CD47: variants seen among roughly 807,000 people sequenced by gnomAD.
CD47 encodes CD47 molecule.
In CD47, 11 loss-of-function variants were observed where a neutral mutation model predicts 44.6. The observed-to-expected ratio is 0.25, with a 90% CI of 0.16 to 0.41. CD47 has a LOEUF of 0.41. Ranked by LOEUF, CD47 falls within the 10% of genes least tolerant of loss-of-function variation. The pLI is 1.00. For synonymous variants in CD47, 140 were observed against 136.3 expected (o/e 1.03, Z -0.19); for missense variants, 306 against 386.7 (o/e 0.79, Z 1.75).
Position 108,079,973 on chromosome 3 carries a change from C to A in CD47, c.400+18G>T. ...GCACCAGGACAAATAAAAAAAGAAG[C>A]TTTCATAGAAGTCTTACCAACACGA... On this transcript the variant is annotated intron_variant, in intron 2 of 10. Transcript: ENST00000361309. The A allele has an allele frequency of 2.6e-6, 4 of 1,543,284 alleles. No homozygotes were observed. The highest frequency in any genetic ancestry group is 1.7e-4 in the Middle Eastern group (1 of 5,790).
At chr3:108,062,907 G>A (rs1215377354) in intron 3 of CD47, among the ~76,000 whole-genome samples, 1 of 151,416 alleles carries the variant, frequency 6.6e-6, no homozygotes, top group Non-Finnish European at 1.5e-5. Context: ...ACCTGCCACG[G>A]CCTCCCAAAG....
chr3:108,087,577 A>G (rs1301256817), intron 1 of CD47, among the ~76,000 whole-genome samples: 1 of 152,184 alleles, frequency 6.6e-6, no homozygotes, highest in Admixed American at 6.5e-5. Flanking sequence ...AGGGCTTTGC[A>G]AACTGCTTGG....
chr3:108,078,114 C>T lies in CD47; in HGVS notation c.400+1877G>A, dbSNP rs910552724. 3.3e-5 allele frequency among the ~76,000 whole-genome samples: 5 copies of T among 152,032 alleles called. No homozygotes were observed. In the East Asian group the frequency reaches 5.8e-4, roughly 18 times the overall value. ...CATTGGGGGGACTGGGTGAAGGGCA[C>T]ATGGAAGCTCTCTATCTTTGAATCG... On this transcript the variant is annotated intron_variant, in intron 2 of 10. Coordinates refer to ENST00000361309, the MANE Select transcript of CD47 (RefSeq NM_001777.4).
intron 1 of CD47, among the ~76,000 whole-genome samples, chr3:108,087,471 G>A (rs1263718011): frequency 6.6e-6 from 1 of 152,064 alleles, no homozygotes; most frequent in Non-Finnish European, 1.5e-5. Flanking sequence ...TACCATGAGG[G>A]AATAAAAACA....
intron 1 of CD47, among the ~76,000 whole-genome samples, chr3:108,087,071 T>C (rs1016366758): frequency 6.6e-6 from 1 of 152,144 alleles, no homozygotes; most frequent in African/African-American, 2.4e-5. Context: ...AATTATCTGC[T>C]GGGAATGGAT....
chr3:108,081,044 T>C (rs993852207), intron 1 of CD47, among the ~76,000 whole-genome samples: 15 of 151,900 alleles, frequency 9.9e-5, no homozygotes, highest in African/African-American at 3.6e-4. Context: ...CCACATTTCA[T>C]TGACACTACA....
At chr3:108,070,184 T>C (rs190774737) in intron 3 of CD47, among the ~76,000 whole-genome samples, 1 of 152,266 alleles carries the variant, frequency 6.6e-6, no homozygotes, top group Admixed American at 6.5e-5. Flanking sequence ...TCATAAAATA[T>C]ACAACAGGGC....
At chr3:108,065,726 C>T (rs1271012835) in intron 3 of CD47, among the ~76,000 whole-genome samples, 1 of 140,196 alleles carries the variant, frequency 7.1e-6, no homozygotes, top group African/African-American at 2.7e-5. Flanking sequence ...ACAGAAGAAT[C>T]GCTTGAACCT....
intron 1 of CD47, among the ~76,000 whole-genome samples, chr3:108,085,091 C>A (rs1399516524): frequency 6.6e-6 from 1 of 152,076 alleles, no homozygotes; most frequent in East Asian, 1.9e-4. Flanking sequence ...TCCTTTCCAG[C>A]CCCACCTCCT....
intron 1 of CD47, among the ~76,000 whole-genome samples, chr3:108,088,530 C>A (rs1334847428): frequency 6.6e-6 from 1 of 151,838 alleles, no homozygotes; most frequent in Non-Finnish European, 1.5e-5. Flanking sequence ...ATAATATATT[C>A]TTTAAGAGAA....
intron 2 of CD47, 120 bp from the exon 3 acceptor site, chr3:108,071,302 T>G: frequency 1.8e-6 from 1 of 548,540 alleles, no homozygotes; most frequent in Non-Finnish European, 3.2e-6. Flanking sequence ...TGTGGCCTTA[T>G]TTTTACATGT....
At chr3:108,067,620 T>C (rs892466211) in intron 3 of CD47, among the ~76,000 whole-genome samples, 7 of 152,238 alleles carry the variant, frequency 4.6e-5, no homozygotes, top group African/African-American at 1.7e-4. Flanking sequence ...TGAAATTCAA[T>C]ACTATCAGTT....
At chr3:108,063,189 T>C (rs1338464210) in intron 3 of CD47, among the ~76,000 whole-genome samples, 2 of 152,216 alleles carry the variant, frequency 1.3e-5, no homozygotes, top group Non-Finnish European at 2.9e-5. Flanking sequence ...CAACTACTAC[T>C]TATTTTCCAG....
intron 2 of CD47, among the ~76,000 whole-genome samples, chr3:108,073,348 T>C (rs1010709115): frequency 2.4e-4 from 37 of 152,140 alleles, no homozygotes; most frequent in Admixed American, 2.1e-3. Context: ...CATTTTTCAC[T>C]TATTCCACAA....
rs2078677134 is a variant in CD47, at chr3:108,044,245, T to G, written c.*3043A>C. The G allele has an allele frequency of 6.6e-6, 1 of 152,558 alleles. No individual in the cohort carries two copies. Among genetic ancestry groups the G allele is most frequent in the Non-Finnish European group, 1.5e-5 (1 of 68,028 alleles). The allele number at this position is 152,558 out of a possible 1,614,324, so 9.5% of individuals were successfully genotyped here. ...TTTGTTAGTGCAAATAACAATTTGG[T>G]GGTCACTTACTAAATTGACTATAGC... On this transcript the variant is annotated 3_prime_UTR_variant, in exon 11 of 11. Coordinates refer to ENST00000361309, the MANE Select transcript of CD47 (RefSeq NM_001777.4).
At chr3:108,072,749 C>T (rs978918680) in intron 2 of CD47, among the ~76,000 whole-genome samples, 1 of 152,166 alleles carries the variant, frequency 6.6e-6, no homozygotes, top group African/African-American at 2.4e-5. Flanking sequence ...ATTTTTGTAT[C>T]TAATCCCCAA....
chr3:108,046,292 G>C lies in CD47; in HGVS notation c.*996C>G, dbSNP rs1007832936. On this transcript the variant is annotated 3_prime_UTR_variant, in exon 11 of 11. Coordinates refer to ENST00000361309, the MANE Select transcript of CD47 (RefSeq NM_001777.4). ...ACACACATTTTGTTGCCATGCAGGA[G>C]ACTCATAGTTCAAATTTCAATCTTG... 3 of 152,636 alleles carry C rather than the reference G, an allele frequency of 2.0e-5. No homozygotes were observed. The highest frequency in any genetic ancestry group is 7.2e-5 in the African/African-American group (3 of 41,450). The allele number at this position is 152,636 out of a possible 1,614,324, so 9.5% of individuals were successfully genotyped here. A position where few individuals can be genotyped will look rare whatever the true frequency, so the allele number is the denominator to read the frequency against.
At chr3:108,086,788 C>T (rs188812269) in intron 1 of CD47, among the ~76,000 whole-genome samples, 22 of 151,974 alleles carry the variant, frequency 1.4e-4, no homozygotes, top group South Asian at 2.1e-4. Context: ...GTGCAAGCTA[C>T]GGGGAAGGAG....
In CD47 at chr3:108,090,985, A is replaced by G; in HGVS notation, c.-77T>C. 9.4e-7 allele frequency: 1 copy of G among 1,066,980 alleles called. No homozygotes were observed. Among genetic ancestry groups the G allele is most frequent in the South Asian group, 2.0e-5 (1 of 49,170 alleles). The allele number at this position is 1,066,980 out of a possible 1,614,324, so 66.1% of individuals were successfully genotyped here. A position where few individuals can be genotyped will look rare whatever the true frequency, so the allele number is the denominator to read the frequency against. On this transcript the variant is annotated 5_prime_UTR_variant, in exon 1 of 11. Coordinates refer to ENST00000361309, the MANE Select transcript of CD47 (RefSeq NM_001777.4). ...AGCCGCCGCCGCCGTTACAGGCAGG[A>G]CCGACCGCCGCCGCGCGTCACAGGC...
Sources: gnomAD v4.1 joint callset for allele counts (sites outside exome capture counted in the v4.1 genomes callset) on GRCh38, gnomAD v4.1.1 for gene constraint, MANE v1.5 for transcripts, NCBI Gene and HGNC (gene_info 2026-07-23, HGNC 2026-07-21) for gene names.